The following PRPF4 variants were observed in gnomAD, a reference collection of about 807,000 sequenced individuals.
PRPF4 encodes the protein pre-mRNA splicing tri-snRNP complex factor PRPF4.
PRPF4 carries 14 observed loss-of-function variants against 72.2 expected under a neutral mutation model. The observed-to-expected ratio is 0.19, with a 90% CI of 0.13 to 0.30. The LOEUF is 0.30. Among genes scored for constraint, PRPF4 ranks in the 10% least tolerant of loss-of-function variants. The probability of loss-of-function intolerance (pLI) is 1.00; values close to 1 mark genes in which losing one functional copy is unlikely to be tolerated. For synonymous variants in PRPF4, 225 were observed against 232.2 expected, an observed-to-expected ratio of 0.97 and a Z score of 0.28; for missense variants, 478 against 653.9, an observed-to-expected ratio of 0.73 and a Z score of 2.93.
intron 10 of PRPF4, among the ~76,000 whole-genome samples, chr9:113,289,514 A>T (rs1244892295): frequency 6.6e-6 from 1 of 152,206 alleles, no homozygotes; most frequent in African/African-American, 2.4e-5. Flanking sequence ...CCAATCTAGC[A>T]GGTGTGTAGT....
rs1483863041 is a variant in PRPF4, at chr9:113,291,649, A to C, written c.1555A>C (p.Met519Leu). The change falls in exon 14 of 14, where the codon ATG becomes CTG. Residue 519 changes from methionine (M) to leucine (L), a missense_variant. By Grantham distance (15) the Met-to-Leu change is conservative (BLOSUM62 2). Coordinates refer to ENST00000374198, the MANE Select transcript of PRPF4 (RefSeq NM_001244926.2). Reference protein sequence around the residue: ...CSYDRTFKLWMAE With the variant: ...CSYDRTFKLWLAE The stretch of plus-strand genomic sequence containing the variant: ...ATATGACAGGACCTTCAAGCTGTGG[A>C]TGGCTGAATAGATGACAATGGGAAA... 3 of 1,614,100 alleles carry C rather than the reference A, an allele frequency of 1.9e-6. No individual in the cohort carries two copies. Among genetic ancestry groups the C allele is most frequent in the Non-Finnish European group, 2.5e-6 (3 of 1,179,964 alleles).
At chr9:113,281,792 C>A (rs1047559573) in intron 3 of PRPF4, among the ~76,000 whole-genome samples, 1 of 152,038 alleles carries the variant, frequency 6.6e-6, no homozygotes, top group Non-Finnish European at 1.5e-5. Context: ...TTTAATGAAG[C>A]CTTCCCTGAT....
chr9:113,285,882 A>G (rs1195087122), intron 7 of PRPF4, among the ~76,000 whole-genome samples: 10 of 151,924 alleles, frequency 6.6e-5, no homozygotes, highest in African/African-American at 2.4e-4. Flanking sequence ...AAATTTAAAT[A>G]CTTTGTAATC....
At chr9:113,283,111 T>TG in intron 4 of PRPF4, 21 bp from the exon 5 acceptor site, 1 of 1,614,230 alleles carries the variant, frequency 6.2e-7, no homozygotes, top group Non-Finnish European at 8.5e-7. Flanking sequence ...TTGACCTTTC[T>TG]GCTCTTAATT....
chr9:113,281,352 A>G lies in PRPF4; in HGVS notation c.393-1294A>G, dbSNP rs530363566. 4.6e-5 allele frequency among the ~76,000 whole-genome samples: 7 copies of G among 152,276 alleles called. No homozygotes were observed. In the East Asian group the frequency reaches 1.2e-3, roughly 25 times the overall value. The stretch of plus-strand genomic sequence containing the variant: ...TGTTTAGTTTGTTTTTTCCACCAGC[A>G]AAGTCTATCTTATTCATTATTATGT... On this transcript the variant is annotated intron_variant, in intron 3 of 13. Coordinates refer to ENST00000374198, the MANE Select transcript of PRPF4 (RefSeq NM_001244926.2).
At position 113,291,881 on chromosome 9, in the gene PRPF4, T is replaced by C. The variant is rs1178372718; in HGVS notation, c.*221T>C. The stretch of plus-strand genomic sequence containing the variant: ...CACGGTTGAAAATTTATTACCTTTT[T>C]ACGCCCTGCCACGAACTGTGTAGAC... On this transcript the variant is annotated 3_prime_UTR_variant, in exon 14 of 14. Coordinates refer to ENST00000374198, the MANE Select transcript of PRPF4 (RefSeq NM_001244926.2). The C allele has an allele frequency of 5.9e-6, 3 of 506,318 alleles. No individual in the cohort carries two copies. Among genetic ancestry groups the C allele is most frequent in the Non-Finnish European group, 1.1e-5 (3 of 283,008 alleles). The allele number at this position is 506,318 out of a possible 1,614,324, so 31.4% of individuals were successfully genotyped here. A position where few individuals can be genotyped will look rare whatever the true frequency, so the allele number is the denominator to read the frequency against.
Position 113,291,675 on chromosome 9 carries a change from A to G in PRPF4, c.*15A>G. 6.2e-7 allele frequency: 1 copy of G among 1,612,452 alleles called. No homozygotes were observed. Among genetic ancestry groups the G allele is most frequent in the Non-Finnish European group, 8.5e-7 (1 of 1,178,714 alleles). On this transcript the variant is annotated 3_prime_UTR_variant, in exon 14 of 14. Transcript: ENST00000374198. ...TGGCTGAATAGATGACAATGGGAAA[A>G]GGACTTGAACCTCAAGCTCTCTCTA...
chr9:113,286,239 C>G lies in PRPF4; in HGVS notation c.757C>G (p.Leu253Val). 6.2e-7 allele frequency: 1 copy of G among 1,614,128 alleles called. No individual in the cohort carries two copies. The highest frequency in any genetic ancestry group is 8.5e-7 in the Non-Finnish European group (1 of 1,180,006). ...TTCCTTTGTATTTGATAGGAGTGGGCTTTGCAAGCTCTGGTCTGTTCCTGA... is the reference window on the plus strand; with the variant it reads ...TTCCTTTGTATTTGATAGGAGTGGGGTTTGCAAGCTCTGGTCTGTTCCTGA... ...KMLATACWSG[L>V]CKLWSVPDCN... Residue 253 changes from leucine to valine, a missense_variant, in exon 8 of 14, where the codon CTT becomes GTT. Physicochemically the swap from Leu to Val is conservative, Grantham distance 32. Coordinates refer to ENST00000374198, the MANE Select transcript of PRPF4 (RefSeq NM_001244926.2).
rs780188337 is a variant in PRPF4, at chr9:113,276,628, G to A, written c.108G>A (p.Glu36=). 8.1e-6 allele frequency: 13 copies of A among 1,614,172 alleles called. No individual in the cohort carries two copies. Among genetic ancestry groups the A allele is most frequent in the Non-Finnish European group, 1.0e-5 (12 of 1,180,030 alleles). Residue 36 remains glutamate, a synonymous_variant, in exon 2 of 14, where the codon GAG becomes GAA. Coordinates refer to ENST00000374198, the MANE Select transcript of PRPF4 (RefSeq NM_001244926.2). ...KPHIYYGSLE[E]KERERLAKGE... ...ACATCTATTATGGAAGTTTGGAAGAGAAGGAGAGGGAGCGTCTGGCCAAAG... is the reference window on the plus strand; with the variant it reads ...ACATCTATTATGGAAGTTTGGAAGAAAAGGAGAGGGAGCGTCTGGCCAAAG...
chr9:113,289,627 CTT>C (rs771990079), intron 10 of PRPF4, among the ~76,000 whole-genome samples: 1 of 152,110 alleles, frequency 6.6e-6, no homozygotes, highest in Non-Finnish European at 1.5e-5. Context: ...TCTCTTTTGT[CTT>C]TATTTCCATG....
chr9:113,285,441 C>T (rs373054491), intron 7 of PRPF4, among the ~76,000 whole-genome samples: 1 of 134,852 alleles, frequency 7.4e-6, no homozygotes, highest in African/African-American at 2.8e-5. Context: ...TGCAGTGGCG[C>T]GATCTCGGCT....
rs775720412 is a variant in PRPF4, at chr9:113,290,792, A to G, written c.1238A>G (p.Asn413Ser). The G allele has an allele frequency of 4.3e-6, 7 of 1,614,036 alleles. No homozygotes were observed. Among genetic ancestry groups the G allele is most frequent in the Admixed American group, 1.7e-5 (1 of 59,990 alleles). ...EGHLKEIYGI[N>S]FSPNGYHIAT... ...CACCTGAAAGAAATCTATGGAATAA[A>G]TTTCTCCCCCAATGGGTAAAATAAA... is the stretch of plus-strand genomic sequence containing the variant. Residue 413 changes from asparagine (N) to serine (S), a missense_variant, in exon 12 of 14, where the codon AAT (asparagine) becomes AGT (serine). Physicochemically the swap from Asn to Ser is conservative, Grantham distance 46. Coordinates refer to ENST00000374198, the MANE Select transcript of PRPF4 (RefSeq NM_001244926.2).
intron 3 of PRPF4, 106 bp from the exon 4 acceptor site, chr9:113,282,540 T>G: frequency 1.2e-6 from 1 of 837,492 alleles, no homozygotes; most frequent in Non-Finnish European, 1.8e-6. Context: ...GCTCCCATCT[T>G]AGGGGAACTT....
rs1184688114 is a variant in PRPF4, at chr9:113,283,491, C to T, written c.654+9C>T. On this transcript the variant is annotated intron_variant, in intron 6 of 13. Coordinates refer to ENST00000374198, the MANE Select transcript of PRPF4 (RefSeq NM_001244926.2). ...TGCACAAGTCTCTCCGGGTAAGATG[C>T]TCCCAGCAATTGTCCCACATCTTAA... The T allele has an allele frequency of 6.2e-7, 1 of 1,613,350 alleles. No individual in the cohort carries two copies. The highest frequency in any genetic ancestry group is 2.2e-5 in the East Asian group (1 of 44,890).
intron 9 of PRPF4, 38 bp from the exon 10 acceptor site, chr9:113,288,137 T>C: frequency 6.3e-7 from 1 of 1,584,206 alleles, no homozygotes; most frequent in Non-Finnish European, 8.7e-7. Flanking sequence ...ACTATTTATA[T>C]GTCTATAAAA....
intron 9 of PRPF4, 126 bp downstream of exon 9, chr9:113,286,954 A>AG: frequency 7.3e-7 from 1 of 1,368,196 alleles, no homozygotes; most frequent in South Asian, 1.3e-5. Context: ...CTTAAGGCTG[A>AG]GGCAGGAGAA....
Position 113,277,218 on chromosome 9 carries a change from A to G in PRPF4, c.205+493A>G, listed in dbSNP as rs774987550. Among the ~76,000 whole-genome samples, 7 of 152,226 alleles carry G rather than the reference A, an allele frequency of 4.6e-5. No individual in the cohort carries two copies. The East Asian group carries it at 1.2e-3, about 25-fold the overall frequency. On this transcript the variant is annotated intron_variant, in intron 2 of 13. Coordinates refer to ENST00000374198, the MANE Select transcript of PRPF4 (RefSeq NM_001244926.2). ...CAATCTGTTATATAGTTTTTCTTCT[A>G]TGAGTGAGCAGTCTTATCAAAAATT...
chr9:113,276,962 A>C (rs967269426), intron 2 of PRPF4, among the ~76,000 whole-genome samples: 4 of 151,558 alleles, frequency 2.6e-5, no homozygotes, highest in South Asian at 2.1e-4. Flanking sequence ...TTACAGGCGC[A>C]CACCACCACG....
intron 2 of PRPF4, among the ~76,000 whole-genome samples, chr9:113,278,413 A>C (rs1832179206): frequency 6.6e-6 from 1 of 152,182 alleles, no homozygotes; most frequent in African/African-American, 2.4e-5. Context: ...TCACCACTGT[A>C]CCTCTCATTT....
Sources: allele counts gnomAD v4.1 joint callset (sites outside exome capture counted in the v4.1 genomes callset), GRCh38; gene constraint gnomAD v4.1.1; transcripts MANE v1.5; gene names NCBI Gene and HGNC (gene_info 2026-07-23, HGNC 2026-07-21).